Variants in ATAD2B observed in about 807,000 individuals in gnomAD.
ATAD2B encodes ATPase family AAA domain-containing protein 2B.
Under a neutral mutation model 167.6 loss-of-function variants are expected in ATAD2B, and 40 were observed. That is an observed-to-expected ratio of 0.24 (90% confidence interval 0.19 to 0.31). ATAD2B has a LOEUF of 0.31. Ranked by LOEUF, ATAD2B falls within the 10% of genes least tolerant of loss-of-function variation. The pLI is 1.00. For missense variants in ATAD2B, 1,242 were observed against 1,757.2 expected, an observed-to-expected ratio of 0.71 and a Z score of 5.24; for synonymous variants, 579 against 596.5, an observed-to-expected ratio of 0.97 and a Z score of 0.43.
At chr2:23,878,748 G>A (rs922744216) in intron 7 of ATAD2B, among the ~76,000 whole-genome samples, 7 of 117,832 alleles carry the variant, frequency 5.9e-5, no homozygotes, top group Non-Finnish European at 1.2e-4. Context: ...GCAACAGACT[G>A]TCTTGTCTTA....
At chr2:23,809,825 C>A (rs1558574155) in intron 18 of ATAD2B, among the ~76,000 whole-genome samples, 1 of 152,100 alleles carries the variant, frequency 6.6e-6, no homozygotes, top group Non-Finnish European at 1.5e-5. Flanking sequence ...CTTCACAAAC[C>A]AGTAAATACA....
intron 13 of ATAD2B, chr2:23,856,192 A>AG (rs1693380880): frequency 6.1e-6 from 1 of 162,652 alleles, no homozygotes; most frequent in Admixed American, 6.5e-5. Context: ...CCATCTCAAA[A>AG]AAAAAAAAAA....
At chr2:23,870,630 CTGTT>C (rs35522802) in intron 8 of ATAD2B, among the ~76,000 whole-genome samples, 66,889 of 147,970 alleles carry the variant, frequency 0.45, 15,877 homozygotes, top group East Asian at 0.78. Context: ...ATATCGGTCA[CTGTT>C]TGATAAATAA....
At chr2:23,693,334 G>A in the ATAD2B span, 2 of 1,551,258 alleles carry the variant, frequency 1.3e-6, no homozygotes, top group African/African-American at 1.4e-5. Context: ...GCAGTGCAGC[G>A]AGCTCTACCA....
chr2:23,818,289 GA>G (rs1210487192), intron 17 of ATAD2B, among the ~76,000 whole-genome samples: 1 of 116,906 alleles, frequency 8.6e-6, no homozygotes, highest in Non-Finnish European at 1.9e-5. Context: ...AGAAGAGAGG[GA>G]GGGGGGAGAG....
Position 23,926,708 on chromosome 2 carries a change from A to AGGCCCG in ATAD2B, c.57_62dup (p.Pro23_Gly24dup). ...CAGGCTCTGCTCCGGCCCCAGGCCCAGGCCCGGGACCAGGAGACTTGGACC... is the reference window on the plus strand; with the variant it reads ...CAGGCTCTGCTCCGGCCCCAGGCCCAGGCCCGGGCCCGGGACCAGGAGACTTGGACC... On this transcript the variant is annotated inframe_insertion, in exon 1 of 28. Coordinates refer to ENST00000238789, the MANE Select transcript of ATAD2B (RefSeq NM_017552.4). 1 of 1,550,152 alleles carries AGGCCCG rather than the reference A, an allele frequency of 6.5e-7. No homozygotes were observed. Among genetic ancestry groups the AGGCCCG allele is most frequent in the Non-Finnish European group, 8.7e-7 (1 of 1,147,182 alleles).
the ATAD2B span, chr2:23,695,958 T>C: frequency 1.9e-6 from 3 of 1,551,292 alleles, no homozygotes; most frequent in Non-Finnish European, 2.6e-6. This position sits in a 1 kb window ranked among gnomAD's most constrained non-coding sequence, Gnocchi z 7.6. Flanking sequence ...CAGGTGTGGC[T>C]GAGGTCATCG....
chr2:23,719,859 A>C, the ATAD2B span, among the ~76,000 whole-genome samples: 12 of 152,216 alleles, frequency 7.9e-5, no homozygotes, highest in Admixed American at 4.6e-4. Flanking sequence ...CAGCCCTGGA[A>C]ACTGCTCTGT....
chr2:23,737,577 T>C, the ATAD2B span, among the ~76,000 whole-genome samples: 3 of 151,758 alleles, frequency 2.0e-5, no homozygotes, highest in Non-Finnish European at 2.9e-5. Context: ...CAAAAGTAGA[T>C]AAAACCACAA....
chr2:23,743,364 C>T, the ATAD2B span, among the ~76,000 whole-genome samples: 2 of 151,902 alleles, frequency 1.3e-5, no homozygotes, highest in South Asian at 2.1e-4. Context: ...GTCAGGAGTT[C>T]GAGACCAGCC....
chr2:23,711,554 G>C, the ATAD2B span, among the ~76,000 whole-genome samples: 1 of 151,674 alleles, frequency 6.6e-6, no homozygotes, highest in Non-Finnish European at 1.5e-5. Flanking sequence ...ATTTTTAGTA[G>C]AGATGGGGGT....
At chr2:23,823,139 AG>A in intron 16 of ATAD2B, 118 bp downstream of exon 16, 4 of 876,872 alleles carry the variant, frequency 4.6e-6, no homozygotes, top group Non-Finnish European at 6.9e-6. Context: ...TGGAATATAT[AG>A]TACTGAATAA....
At chr2:23,917,783 G>T (rs1275154959) in intron 1 of ATAD2B, among the ~76,000 whole-genome samples, 1 of 151,954 alleles carries the variant, frequency 6.6e-6, no homozygotes, top group Non-Finnish European at 1.5e-5. Context: ...ATATAGCCAG[G>T]CGCGGTGGCT....
intron 19 of ATAD2B, among the ~76,000 whole-genome samples, chr2:23,793,849 T>C (rs944949457): frequency 6.6e-6 from 1 of 152,234 alleles, no homozygotes; most frequent in Non-Finnish European, 1.5e-5. Context: ...AGCTTTTATG[T>C]ATGTGAGCTA....
chr2:23,910,634 G>A (rs974705242), intron 1 of ATAD2B, among the ~76,000 whole-genome samples: 10 of 147,480 alleles, frequency 6.8e-5, no homozygotes, highest in South Asian at 2.2e-4. Flanking sequence ...TTGGGAGGCC[G>A]AGGCAGGTGG....
chr2:23,691,518 C>T, the ATAD2B span: 9 of 621,974 alleles, frequency 1.4e-5, no homozygotes, highest in South Asian at 5.8e-5. Context: ...TTTCAGATCC[C>T]GTGTCACAGC....
chr2:23,695,992 G>C, the ATAD2B span: 1 of 1,551,582 alleles, frequency 6.4e-7, no homozygotes, highest in Non-Finnish European at 8.7e-7. This position sits in a 1 kb window ranked among gnomAD's most constrained non-coding sequence, Gnocchi z 7.6. Context: ...CCGTCAGATG[G>C]TGGGGATGAC....
chr2:23,687,917 G>A, the ATAD2B span, among the ~76,000 whole-genome samples: 2 of 152,126 alleles, frequency 1.3e-5, no homozygotes, highest in Non-Finnish European at 2.9e-5. Context: ...GTCAGACCAT[G>A]AGCGGGAGAG....
At chr2:23,847,489 A>C (rs1362033386) in intron 13 of ATAD2B, among the ~76,000 whole-genome samples, 1 of 151,658 alleles carries the variant, frequency 6.6e-6, no homozygotes, top group Non-Finnish European at 1.5e-5. Context: ...TGGGCGACAG[A>C]GTAAGACTCC....
Sources: gnomAD v4.1 joint callset for allele counts (sites outside exome capture counted in the v4.1 genomes callset) on GRCh38, gnomAD v4.1.1 for gene constraint, Gnocchi (gnomAD v3.1) non-coding constraint, MANE v1.5 for transcripts, NCBI Gene and HGNC (gene_info 2026-07-23, HGNC 2026-07-21) for gene names.